DDX1: variants seen among roughly 807,000 people sequenced by gnomAD.
The protein encoded by DDX1 is ATP-dependent RNA helicase DDX1.
DDX1 carries 28 observed loss-of-function variants against 108.7 expected under a neutral mutation model. The observed-to-expected ratio is 0.26, with a 90% confidence interval of 0.19 to 0.35. The LOEUF (loss-of-function observed/expected upper bound fraction) is 0.35. DDX1 is among the 10% of genes least tolerant of loss of function. DDX1 has a pLI of 1.00. For missense variants in DDX1, 710 were observed against 884.5 expected (o/e 0.80, Z 2.50); for synonymous variants, 295 against 288.9 (o/e 1.02, Z -0.21).
chr2:15,605,895 A>G lies in DDX1; in HGVS notation c.626-55A>G, dbSNP rs941600259. 4.1e-6 allele frequency: 5 copies of G among 1,212,498 alleles called. No homozygotes were observed. In the African/African-American group the frequency reaches 7.7e-5, roughly 19 times the overall value. The allele number at this position is 1,212,498 out of a possible 1,614,324, so 75.1% of individuals were successfully genotyped here. On this transcript the variant is annotated intron_variant, in intron 10 of 25. Coordinates refer to ENST00000233084, the MANE Select transcript of DDX1 (RefSeq NM_004939.3). Reference sequence around the variant, plus strand: ...AGCTGGTAGATTTGACATTGTCAGCATGAGGAAGGTCTTTTCTGATTGTTT... The same window carrying G: ...AGCTGGTAGATTTGACATTGTCAGCGTGAGGAAGGTCTTTTCTGATTGTTT...
chr2:15,629,650 A>G lies in DDX1; in HGVS notation c.1924A>G (p.Arg642Gly), dbSNP rs1040858885. 1.9e-6 allele frequency: 3 copies of G among 1,589,232 alleles called. No homozygotes were observed. Among genetic ancestry groups the G allele is most frequent in the Non-Finnish European group, 2.6e-6 (3 of 1,172,530 alleles). ...SSRGKGCYNT[R>G]LKEDGGCTIW... ...CCGTGGAAAAGGGTGTTATAACACA[A>G]GACTCAAGGAAGATGGAGGCTGTAC... The change falls in exon 24 of 26, where the codon AGA (arginine) becomes GGA (glycine). Residue 642 changes from arginine (R) to glycine (G), a missense_variant. Arg to Gly is a moderately radical substitution (Grantham distance 125). Coordinates refer to ENST00000233084, the MANE Select transcript of DDX1 (RefSeq NM_004939.3).
intron 14 of DDX1, among the ~76,000 whole-genome samples, chr2:15,614,527 GGGGCTTTTAACAGATGATTAGATCGCGA>G (rs1348547634): frequency 7.2e-5 from 11 of 152,304 alleles, no homozygotes; most frequent in Admixed American, 5.2e-4. Context: ...TTGGAAGGCG[GGGGCTTTTAACAGATGATTAGATCGCGA>G]GGGCTTTGTC....
chr2:15,628,375 G>A, intron 20 of DDX1, 70 bp from the exon 21 acceptor site: 1 of 1,164,928 alleles, frequency 8.6e-7, no homozygotes, highest in Non-Finnish European at 1.3e-6. Context: ...TTAGTGGAAG[G>A]ATAGCATTTG....
intron 13 of DDX1, among the ~76,000 whole-genome samples, chr2:15,612,137 G>T (rs1337929194): frequency 6.7e-6 from 1 of 148,498 alleles, no homozygotes; most frequent in Non-Finnish European, 1.5e-5. Flanking sequence ...CGGGCGGGGG[G>T]CTGACCCCCC....
chr2:15,627,279 G>A (rs1027677601), intron 20 of DDX1, 134 bp downstream of exon 20: 45 of 518,344 alleles, frequency 8.7e-5, no homozygotes, highest in African/African-American at 7.4e-4. Flanking sequence ...TAACTAATGT[G>A]TCATCATCAT....
Position 15,630,574 on chromosome 2 carries a change from TGTTA to T in DDX1, c.2093-199_2093-196del, listed in dbSNP as rs578088736. Among the ~76,000 whole-genome samples, 10 of 152,338 alleles carry T rather than the reference TGTTA, an allele frequency of 6.6e-5. No homozygotes were observed. The South Asian group carries it at 2.1e-3, about 32-fold the overall frequency. ...GGGTGGGTAGAGGTGTTGGGACAGC[TGTTA>T]GTGAGGCCTAATTATTTATTTATAT... On this transcript the variant is annotated intron_variant, in intron 25 of 25. Transcript: ENST00000233084.
chr2:15,601,239 A>G (rs958381726), intron 6 of DDX1, among the ~76,000 whole-genome samples: 1 of 152,208 alleles, frequency 6.6e-6, no homozygotes, highest in African/African-American at 2.4e-5. Flanking sequence ...TGATGGAGTA[A>G]GTAACAGACA....
intron 14 of DDX1, among the ~76,000 whole-genome samples, chr2:15,616,622 G>T (rs868079618): frequency 8.5e-5 from 13 of 152,132 alleles, no homozygotes; most frequent in Admixed American, 3.3e-4. Flanking sequence ...TACCTTAGTG[G>T]TAACATGAAA....
intron 19 of DDX1, among the ~76,000 whole-genome samples, chr2:15,625,217 CT>C: frequency 6.8e-6 from 1 of 147,732 alleles, no homozygotes; most frequent in East Asian, 2.3e-4. Context: ...AGAATATACA[CT>C]GTATCAATCT....
chr2:15,627,402 G>T, intron 20 of DDX1: 1 of 284,946 alleles, frequency 3.5e-6, no homozygotes, highest in South Asian at 5.9e-5. Context: ...AATTATTTCA[G>T]GTAGATATTT....
chr2:15,604,322 A>G (rs935148531), intron 9 of DDX1, 115 bp from the exon 10 acceptor site: 3 of 697,006 alleles, frequency 4.3e-6, no homozygotes, highest in Non-Finnish European at 4.9e-6. Flanking sequence ...ATGCTCTAAT[A>G]GGCATTTTTG....
chr2:15,617,802 T>C (rs1434396286), intron 15 of DDX1, among the ~76,000 whole-genome samples: 1 of 152,200 alleles, frequency 6.6e-6, no homozygotes, highest in African/African-American at 2.4e-5. Context: ...TTGAGTCTCT[T>C]AGACATACTT....
In DDX1 at chr2:15,608,264, C is replaced by CA. The variant is rs554858642; in HGVS notation, c.956+952dup. ...CACAATTCAGCCAGGTGTGGTGACT[C>CA]ACGCCTGTATTCCCAGTACTTTGGG... is the stretch of plus-strand genomic sequence containing the variant. On this transcript the variant is annotated intron_variant, in intron 13 of 25. Coordinates refer to ENST00000233084, the MANE Select transcript of DDX1 (RefSeq NM_004939.3). 6.2e-3 allele frequency among the ~76,000 whole-genome samples: 942 copies of CA among 152,288 alleles called. 16 individuals carry two copies. Among genetic ancestry groups the CA allele is most frequent in the African/African-American group, 0.021 (886 of 41,566 alleles).
chr2:15,594,425 A>G (rs1256845293), intron 1 of DDX1, among the ~76,000 whole-genome samples: 1 of 152,180 alleles, frequency 6.6e-6, no homozygotes, highest in Admixed American at 6.5e-5. Flanking sequence ...ATTACCCTCT[A>G]CAGTTCATAT....
At position 15,621,324 on chromosome 2, in the gene DDX1, G is replaced by A. The variant is rs960353934; in HGVS notation, c.1447+208G>A. ...TCATTGAATTTATTTTTAATTTTTTGAGACAGAGTCATGTTCTTGTCACCC... is the reference window on the plus strand; with the variant it reads ...TCATTGAATTTATTTTTAATTTTTTAAGACAGAGTCATGTTCTTGTCACCC... On this transcript the variant is annotated intron_variant, in intron 18 of 25. Transcript: ENST00000233084. 17 of 504,704 alleles carry A rather than the reference G, an allele frequency of 3.4e-5. No homozygotes were observed. The East Asian group carries it at 5.7e-4, about 17-fold the overall frequency. The allele number at this position is 504,704 out of a possible 1,614,324, so 31.3% of individuals were successfully genotyped here.
chr2:15,593,890 C>G (rs1245444712), intron 1 of DDX1, among the ~76,000 whole-genome samples: 2 of 151,868 alleles, frequency 1.3e-5, no homozygotes, highest in African/African-American at 4.8e-5. Context: ...TCCTGGCTAA[C>G]ACAGTGAAAC....
At chr2:15,599,611 C>G in intron 5 of DDX1, 58 bp from the exon 6 acceptor site, 2 of 1,389,346 alleles carry the variant, frequency 1.4e-6, no homozygotes, top group Admixed American at 3.8e-5. Flanking sequence ...CCGCACCCGG[C>G]CAAGCATTTT....
At chr2:15,610,456 GT>G (rs2148742449) in intron 13 of DDX1, among the ~76,000 whole-genome samples, 1 of 152,298 alleles carries the variant, frequency 6.6e-6, no homozygotes, top group African/African-American at 2.4e-5. Context: ...ATGAGAAAGG[GT>G]TTTAACTTCA....
chr2:15,597,620 T>C, intron 5 of DDX1, 149 bp downstream of exon 5: 1 of 609,276 alleles, frequency 1.6e-6, no homozygotes, highest in Non-Finnish European at 2.9e-6. Flanking sequence ...AAACCAGGGA[T>C]GCTAAATGTT....
Sources: allele counts gnomAD v4.1 joint callset (sites outside exome capture counted in the v4.1 genomes callset), GRCh38; gene constraint gnomAD v4.1.1; transcripts MANE v1.5; gene names NCBI Gene and HGNC (gene_info 2026-07-23, HGNC 2026-07-21).